BAIAP2L1: variants seen among roughly 807,000 people sequenced by gnomAD.
The protein encoded by BAIAP2L1 is BAR/IMD domain-containing adapter protein 2-like 1.
BAIAP2L1 carries 35 observed loss-of-function variants against 66.3 expected under a neutral mutation model. That is an observed-to-expected ratio of 0.53 (90% CI 0.40 to 0.70). BAIAP2L1 has a LOEUF of 0.70. Ranked by LOEUF, BAIAP2L1 falls within the 30% of genes least tolerant of loss-of-function variation. The probability of loss-of-function intolerance (pLI) is 0.00; values close to 1 mark genes in which losing one functional copy is unlikely to be tolerated. For missense variants in BAIAP2L1, 622 were observed against 656.9 expected, an observed-to-expected ratio of 0.95 and a Z score of 0.58; for synonymous variants, 269 against 248.7, an observed-to-expected ratio of 1.08 and a Z score of -0.77.
At chr7:98,389,546 C>T (rs1262878406) in intron 1 of BAIAP2L1, among the ~76,000 whole-genome samples, 1 of 152,046 alleles carries the variant, frequency 6.6e-6, no homozygotes, top group Non-Finnish European at 1.5e-5. Flanking sequence ...GTTTCAAACT[C>T]CTGACCTCAG....
chr7:98,378,799 G>A (rs1802690679), intron 1 of BAIAP2L1, among the ~76,000 whole-genome samples: 1 of 151,448 alleles, frequency 6.6e-6, no homozygotes, highest in South Asian at 2.1e-4. Context: ...CCATGTCCAT[G>A]GCTCAGCACT....
chr7:98,292,372 C>CT lies in BAIAP2L1; in HGVS notation c.*1148dup. The stretch of plus-strand genomic sequence containing the variant: ...GAGTGGCGCCCACCACCACACCTGT[C>CT]TAATTTTTGTATTTTTAGTAGAGAC... On this transcript the variant is annotated 3_prime_UTR_variant, in exon 14 of 14. Transcript: ENST00000005260. 2.2e-6 allele frequency: 1 copy of CT among 446,422 alleles called. No individual in the cohort carries two copies. The highest frequency in any genetic ancestry group is 4.1e-5 in the East Asian group (1 of 24,188). 27.7% of individuals were successfully genotyped at this position (446,422 alleles called of 1,614,324 possible). A position where few individuals can be genotyped will look rare whatever the true frequency, so the allele number is the denominator to read the frequency against.
chr7:98,308,040 C>T (rs1177985186), intron 9 of BAIAP2L1, 144 bp from the exon 10 acceptor site: 37 of 810,712 alleles, frequency 4.6e-5, no homozygotes, highest in Admixed American at 5.9e-5. Flanking sequence ...CCTATTTCCT[C>T]GCTTTGATCA....
At position 98,366,123 on chromosome 7, in the gene BAIAP2L1, G is replaced by A. The variant is rs530766745; in HGVS notation, c.52-3691C>T. 1.4e-4 allele frequency among the ~76,000 whole-genome samples: 22 copies of A among 152,210 alleles called. 1 individual carries two copies. Among genetic ancestry groups the A allele is most frequent in the Admixed American group, 1.0e-3 (16 of 15,286 alleles). ...TCTGCTGAGAAGTTTCTAATTTCCT[G>A]TCATTGGGTGGGGGACAATCATCGG... On this transcript the variant is annotated intron_variant, in intron 1 of 13. Transcript: ENST00000005260.
intron 2 of BAIAP2L1, among the ~76,000 whole-genome samples, chr7:98,357,987 A>G (rs942322944): frequency 3.3e-5 from 5 of 152,250 alleles, no homozygotes; most frequent in African/African-American, 1.2e-4. Flanking sequence ...GTGTGTAGCC[A>G]GGAAACTGTC....
At chr7:98,333,500 G>A (rs558386801) in intron 3 of BAIAP2L1, among the ~76,000 whole-genome samples, 2 of 152,134 alleles carry the variant, frequency 1.3e-5, no homozygotes, top group East Asian at 1.9e-4. Context: ...TCAGGATGTC[G>A]AGGCAGGAGA....
intron 2 of BAIAP2L1, among the ~76,000 whole-genome samples, chr7:98,361,348 C>T (rs1802266945): frequency 6.7e-6 from 1 of 149,870 alleles, no homozygotes; most frequent in Admixed American, 6.7e-5. Context: ...CAGAGCAAGA[C>T]TCTGTCTGGG....
chr7:98,381,280 G>C (rs1802754842), intron 1 of BAIAP2L1, among the ~76,000 whole-genome samples: 1 of 152,128 alleles, frequency 6.6e-6, no homozygotes. Context: ...TCAGCGCATG[G>C]AGAAAACTCT....
chr7:98,300,489 C>T (rs945957272), intron 12 of BAIAP2L1, among the ~76,000 whole-genome samples: 7 of 152,172 alleles, frequency 4.6e-5, no homozygotes, highest in African/African-American at 1.7e-4. Flanking sequence ...TGCAGATGAC[C>T]GCGCCATGTC....
At position 98,310,568 on chromosome 7, in the gene BAIAP2L1, A is replaced by C. The variant is rs768819567; in HGVS notation, c.832T>G (p.Ser278Ala). ...NVVRKDYDTLSKCSPKMPPAP... is the reference protein window; with the variant it reads ...NVVRKDYDTLAKCSPKMPPAP... The stretch of plus-strand genomic sequence containing the variant: ...GGGGGCATCTTTGGTGAGCATTTAG[A>C]AAGGGTGTCGTAATCTTTCCTAACC... Residue 278 changes from serine (S) to alanine (A), a missense_variant, in exon 9 of 14, where the codon TCT becomes GCT. Transcript: ENST00000005260. 3.3e-5 allele frequency: 53 copies of C among 1,591,434 alleles called. No individual in the cohort carries two copies. Among genetic ancestry groups the C allele is most frequent in the Non-Finnish European group, 4.5e-5 (53 of 1,173,586 alleles).
intron 6 of BAIAP2L1, among the ~76,000 whole-genome samples, chr7:98,316,648 T>A (rs1301979424): frequency 2.6e-5 from 4 of 152,184 alleles, no homozygotes; most frequent in African/African-American, 9.6e-5. Flanking sequence ...AGACCTCTCT[T>A]CTAACTATTT....
At position 98,312,233 on chromosome 7, in the gene BAIAP2L1, C is replaced by T. The variant is rs369904739; in HGVS notation, c.671G>A (p.Arg224Gln). The part of the protein sequence containing the change: ...SAELLNSKLP[R>Q]WQETCVDAIK... ...GGCATCAACACAGGTCTCCTGCCAC[C>T]GAGGCAGCTTGGAATTCAGTAGTTC... The change falls in exon 8 of 14, where the codon CGG becomes CAG. Residue 224 changes from arginine to glutamine, a missense_variant. Physicochemically the swap from Arg to Gln is conservative, Grantham distance 43. Coordinates refer to ENST00000005260, the MANE Select transcript of BAIAP2L1 (RefSeq NM_018842.5). 34 of 1,613,026 alleles carry T rather than the reference C, an allele frequency of 2.1e-5. No individual in the cohort carries two copies. The highest frequency in any genetic ancestry group is 1.6e-4 in the Middle Eastern group (1 of 6,074).
intron 1 of BAIAP2L1, among the ~76,000 whole-genome samples, chr7:98,396,031 ATTT>A (rs1451801541): frequency 6.6e-6 from 1 of 152,136 alleles, no homozygotes; most frequent in Non-Finnish European, 1.5e-5. Context: ...AACAAATTGG[ATTT>A]TTATTTTCTT....
intron 9 of BAIAP2L1, 144 bp downstream of exon 9, chr7:98,310,301 G>A: frequency 1.2e-6 from 1 of 847,630 alleles, no homozygotes; most frequent in Non-Finnish European, 1.8e-6. Flanking sequence ...CTCACGCTCT[G>A]CAAAGCCAGG....
At position 98,292,265 on chromosome 7, in the gene BAIAP2L1, C is replaced by T. The variant is rs925066173; in HGVS notation, c.*1256G>A. ...CCCAGCAACACACACGGTGAGCGGCCGGGCTGGAGTGCAGCAGCATGATCT... is the reference window on the plus strand; with the variant it reads ...CCCAGCAACACACACGGTGAGCGGCTGGGCTGGAGTGCAGCAGCATGATCT... On this transcript the variant is annotated 3_prime_UTR_variant, in exon 14 of 14. Transcript: ENST00000005260. 2.2e-5 allele frequency: 6 copies of T among 267,024 alleles called. No individual in the cohort carries two copies. Among genetic ancestry groups the T allele is most frequent in the Non-Finnish European group, 4.4e-5 (6 of 135,658 alleles). 16.5% of individuals were successfully genotyped at this position (267,024 alleles called of 1,614,324 possible).
chr7:98,359,445 G>T (rs1194941238), intron 2 of BAIAP2L1, among the ~76,000 whole-genome samples: 1 of 152,156 alleles, frequency 6.6e-6, no homozygotes, highest in South Asian at 2.1e-4. Flanking sequence ...GCTAATTTTT[G>T]TATCTTTAGC....
chr7:98,370,479 C>T (rs1406583216), intron 1 of BAIAP2L1, among the ~76,000 whole-genome samples: 2 of 151,344 alleles, frequency 1.3e-5, no homozygotes, highest in African/African-American at 2.4e-5. Flanking sequence ...TACGTAGGTT[C>T]AGCTACAGAA....
At chr7:98,322,672 C>A (rs1012521324) in intron 3 of BAIAP2L1, among the ~76,000 whole-genome samples, 1 of 152,182 alleles carries the variant, frequency 6.6e-6, no homozygotes, top group Non-Finnish European at 1.5e-5. Context: ...CCACCCCCAG[C>A]ACTCACGTCC....
intron 1 of BAIAP2L1, 99 bp from the exon 2 acceptor site, chr7:98,362,531 T>C: frequency 1.1e-6 from 1 of 899,680 alleles, no homozygotes; most frequent in Non-Finnish European, 1.8e-6. Flanking sequence ...TATGGATGCC[T>C]AACAGCACAG....
Sources: gnomAD v4.1 joint callset for allele counts (sites outside exome capture counted in the v4.1 genomes callset) on GRCh38, gnomAD v4.1.1 for gene constraint, MANE v1.5 for transcripts, NCBI Gene and HGNC (gene_info 2026-07-23, HGNC 2026-07-21) for gene names.